The following SLCO1B3 variants were observed in gnomAD, a reference collection of about 807,000 sequenced individuals.
SLCO1B3 encodes liver-specific organic anion transporter 2.
SLCO1B3 carries 72 observed loss-of-function variants against 71.8 expected under a neutral mutation model. The ratio of observed to expected loss-of-function variants is 1.00; its 90% CI spans 0.83 to 1.22. The LOEUF (loss-of-function observed/expected upper bound fraction) is 1.22. SLCO1B3 is among the 50% of genes most tolerant of loss of function. The pLI is 0.00. For synonymous variants in SLCO1B3, 298 were observed against 278.4 expected (o/e 1.07, Z -0.70); for missense variants, 911 against 819.7 (o/e 1.11, Z -1.36).
chr12:20,830,761 A>G (rs1030086174), intron 3 of SLCO1B3, among the ~76,000 whole-genome samples: 3 of 152,200 alleles, frequency 2.0e-5, no homozygotes, highest in African/African-American at 7.2e-5. Context: ...TTTCTGAGCT[A>G]TCTGGTAAAG....
At position 20,861,128 on chromosome 12, in the gene SLCO1B3, A is replaced by G. The variant is rs748685876; in HGVS notation, c.471A>G (p.Ile157Met). The change falls in exon 6 of 16, where the codon ATA becomes ATG. Residue 157 changes from isoleucine (I) to methionine (M), a missense_variant. Ile to Met is a conservative substitution (Grantham distance 10, BLOSUM62 1). Transcript: ENST00000381545. ...CATTCAATGGAACATCACCTGAGAT[A>G]GTAGAAAAAGGTAAGAATTAATAGT... The part of the protein sequence containing the change: ...TLSFNGTSPE[I>M]VEKDCVKESG... The G allele has an allele frequency of 1.2e-5, 19 of 1,583,480 alleles. No homozygotes were observed. In the South Asian group the frequency reaches 1.9e-4, roughly 16 times the overall value.
chr12:20,821,100 C>T (rs202083843), intron 3 of SLCO1B3, among the ~76,000 whole-genome samples: 64 of 151,560 alleles, frequency 4.2e-4, no homozygotes, highest in South Asian at 1.0e-3. Context: ...TAGAAAGACT[C>T]AGCGACGCTT....
Position 20,843,308 on chromosome 12 carries a change from A to G in SLCO1B3, c.85-11720A>G, listed in dbSNP as rs148648309. Among the ~76,000 whole-genome samples, 668 of 152,302 alleles carry G rather than the reference A, an allele frequency of 4.4e-3. 6 individuals are homozygous for G. Among genetic ancestry groups the G allele is most frequent in the African/African-American group, 0.015 (609 of 41,560 alleles). ...TCACCTTGTTTTACAAATCTCACACAATATCTTCAGTATTTGATTCTTGTT... is the reference window on the plus strand; with the variant it reads ...TCACCTTGTTTTACAAATCTCACACGATATCTTCAGTATTTGATTCTTGTT... On this transcript the variant is annotated intron_variant, in intron 3 of 15. Transcript: ENST00000381545.
intron 15 of SLCO1B3, among the ~76,000 whole-genome samples, 191 bp downstream of exon 15, chr12:20,901,658 A>G (rs935476239): frequency 6.6e-6 from 1 of 152,238 alleles, no homozygotes; most frequent in Admixed American, 6.5e-5. Flanking sequence ...TAGGAAATGT[A>G]TATATTCCTC....
chr12:20,901,708 A>G (rs756272515), intron 15 of SLCO1B3, among the ~76,000 whole-genome samples: 2 of 152,192 alleles, frequency 1.3e-5, no homozygotes, highest in Non-Finnish European at 2.9e-5. Context: ...TTGAAGAATA[A>G]TGAGTAACTT....
At chr12:20,850,990 T>A (rs1445904020) in intron 3 of SLCO1B3, among the ~76,000 whole-genome samples, 1 of 152,230 alleles carries the variant, frequency 6.6e-6, no homozygotes, top group Non-Finnish European at 1.5e-5. Context: ...TTGTTAATAA[T>A]AGCCATTCTG....
At chr12:20,858,358 T>C in intron 4 of SLCO1B3, 81 bp from the exon 5 acceptor site, 1 of 951,762 alleles carries the variant, frequency 1.1e-6, no homozygotes. Flanking sequence ...TTGGGCATAT[T>C]TGCATTCATT....
At chr12:20,915,725 A>G (rs987181095) in intron 15 of SLCO1B3, among the ~76,000 whole-genome samples, 2 of 152,114 alleles carry the variant, frequency 1.3e-5, no homozygotes, top group African/African-American at 4.8e-5. Flanking sequence ...CCTTAGGTAG[A>G]ATGAGATGGC....
At chr12:20,905,833 G>A (rs535077644) in intron 15 of SLCO1B3, among the ~76,000 whole-genome samples, 9 of 152,202 alleles carry the variant, frequency 5.9e-5, no homozygotes, top group East Asian at 1.9e-4. Flanking sequence ...ACCTCTGCTC[G>A]TTACTCAGTT....
intron 15 of SLCO1B3, 83 bp from the exon 16 acceptor site, chr12:20,915,921 G>T (rs954290818): frequency 1.0e-6 from 1 of 999,268 alleles, no homozygotes; most frequent in South Asian, 1.8e-5. Flanking sequence ...TTTCTTTTAA[G>T]ATATGCATAC....
chr12:20,819,410 G>T (rs975593594), intron 3 of SLCO1B3, among the ~76,000 whole-genome samples: 1 of 152,158 alleles, frequency 6.6e-6, no homozygotes, highest in African/African-American at 2.4e-5. Context: ...AATTTGCTGA[G>T]CCTGATGGGT....
chr12:20,914,446 C>T (rs1224704213), intron 15 of SLCO1B3, among the ~76,000 whole-genome samples: 1 of 151,974 alleles, frequency 6.6e-6, no homozygotes, highest in African/African-American at 2.4e-5. Context: ...TCATTGCTGT[C>T]ATTTACTCCA....
intron 6 of SLCO1B3, among the ~76,000 whole-genome samples, chr12:20,861,736 T>C (rs1865269644): frequency 1.2e-5 from 1 of 81,528 alleles, no homozygotes; most frequent in Non-Finnish European, 3.5e-5. Flanking sequence ...TAAAAATAAA[T>C]GAAGTGGAGG....
chr12:20,861,588 T>TA (rs1252549346), intron 6 of SLCO1B3, among the ~76,000 whole-genome samples: 1 of 152,114 alleles, frequency 6.6e-6, no homozygotes, highest in African/African-American at 2.4e-5. Context: ...ACATTTAAAA[T>TA]AAAAAAGCAG....
At chr12:20,878,416 A>T (rs1481271735) in intron 10 of SLCO1B3, among the ~76,000 whole-genome samples, 1 of 152,278 alleles carries the variant, frequency 6.6e-6, no homozygotes, top group East Asian at 1.9e-4. Context: ...AACAAATGTC[A>T]TATTTTAGAG....
intron 15 of SLCO1B3, among the ~76,000 whole-genome samples, chr12:20,911,740 C>T (rs1866381316): frequency 1.3e-5 from 2 of 152,082 alleles, no homozygotes; most frequent in South Asian, 4.1e-4. Context: ...TTATGGCATT[C>T]CCTTTTGATC....
rs917368661 is a variant in SLCO1B3 at position 20,910,288 on chromosome 12, A to G, written c.1866-5716A>G. Among the ~76,000 whole-genome samples the G allele has an allele frequency of 3.9e-5, 6 of 152,188 alleles. No individual in the cohort carries two copies. The East Asian group carries it at 9.7e-4, about 25-fold the overall frequency. On this transcript the variant is annotated intron_variant, in intron 15 of 15. Coordinates refer to ENST00000381545, the MANE Select transcript of SLCO1B3 (RefSeq NM_019844.4). The stretch of plus-strand genomic sequence containing the variant: ...ATTTAAGTGGGTCTATTTCTGGGCT[A>G]TTTATTCTTTCCACTTACCTATTCG...
chr12:20,876,707 T>A (rs550968998), intron 9 of SLCO1B3, among the ~76,000 whole-genome samples: 7 of 152,288 alleles, frequency 4.6e-5, no homozygotes, highest in African/African-American at 1.4e-4. Context: ...GAATCTGTTG[T>A]TAAACATTTA....
At chr12:20,901,600 T>G in intron 15 of SLCO1B3, 133 bp downstream of exon 15, 1 of 549,106 alleles carries the variant, frequency 1.8e-6, no homozygotes, top group Non-Finnish European at 3.3e-6. Flanking sequence ...TTGTATTCAC[T>G]ATTGTATCAA....
Sources: allele counts gnomAD v4.1 joint callset (sites outside exome capture counted in the v4.1 genomes callset), GRCh38; gene constraint gnomAD v4.1.1; transcripts MANE v1.5; gene names NCBI Gene and HGNC (gene_info 2026-07-23, HGNC 2026-07-21).